The following ZFP62 variants were observed in gnomAD, a reference collection of about 807,000 sequenced individuals.
ZFP62 encodes zinc finger protein 62 homolog.
In ZFP62, 44 loss-of-function variants were observed where a neutral mutation model predicts 56.4. That is an observed-to-expected ratio of 0.78 (90% CI 0.61 to 1.00). The LOEUF (loss-of-function observed/expected upper bound fraction) is 1.00. Ranked by LOEUF, ZFP62 falls within the 50% of genes least tolerant of loss-of-function variation. The pLI, the probability that ZFP62 is intolerant of heterozygous loss-of-function variation, is 0.00. For synonymous variants in ZFP62, 421 were observed against 388.9 expected, an observed-to-expected ratio of 1.08 and a Z score of -0.97; for missense variants, 1,030 against 1,085.7, an observed-to-expected ratio of 0.95 and a Z score of 0.72.
At chr5:180,860,381 G>C (rs1398371529) in intron 1 of ZFP62, 1 of 152,026 alleles carries the variant, frequency 6.6e-6, no homozygotes, top group African/African-American at 2.4e-5. Flanking sequence ...CTTTCACAAA[G>C]AAATGCTCCT....
the ZFP62 span, among the ~76,000 whole-genome samples, chr5:180,842,040 C>G: frequency 6.6e-6 from 1 of 152,106 alleles, no homozygotes; most frequent in African/African-American, 2.4e-5. Flanking sequence ...GAGTGATACT[C>G]CGTCTCCAGA....
In ZFP62 at chr5:180,847,946, G is replaced by A. The variant is rs1468482110; in HGVS notation, c.*846C>T. 3 of 985,330 alleles carry A rather than the reference G, an allele frequency of 3.0e-6. No homozygotes were observed. Among genetic ancestry groups the A allele is most frequent in the African/African-American group, 1.7e-5 (1 of 57,324 alleles). 61.0% of individuals were successfully genotyped at this position (985,330 alleles called of 1,614,324 possible). A position where few individuals can be genotyped will look rare whatever the true frequency, so the allele number is the denominator to read the frequency against. On this transcript the variant is annotated 3_prime_UTR_variant, in exon 2 of 2. Transcript: ENST00000502412. ...ATGTAAGGTGCGAATTCATGTTGAC[G>A]GTGTGTTCCATTAGTTACTGAATGT...
downstream of ZFP62, chr5:180,847,499 C>G (rs1349501434): frequency 5.4e-6 from 4 of 741,354 alleles, no homozygotes; most frequent in African/African-American, 5.8e-5. Context: ...GAGCTGCTAG[C>G]CCTGTGGGAT....
the ZFP62 span, chr5:180,831,721 C>T: frequency 2.0e-5 from 3 of 152,826 alleles, no homozygotes; most frequent in African/African-American, 7.2e-5. Context: ...CCTCCGCACC[C>T]TACCCGGTCC....
chr5:180,839,696 A>C, the ZFP62 span, among the ~76,000 whole-genome samples: 3 of 152,170 alleles, frequency 2.0e-5, no homozygotes, highest in Non-Finnish European at 4.4e-5. Flanking sequence ...AACAATTTGA[A>C]CACCAAATCC....
chr5:180,857,374 T>C (rs1343297659), intron 1 of ZFP62, among the ~76,000 whole-genome samples: 1 of 152,224 alleles, frequency 6.6e-6, no homozygotes, highest in African/African-American at 2.4e-5. Flanking sequence ...TCTTAGTTTG[T>C]AGGCCATACA....
At chr5:180,829,968 T>G in the ZFP62 span, 2 of 151,930 alleles carry the variant, frequency 1.3e-5, no homozygotes, top group African/African-American at 4.8e-5. Context: ...GGTTGGAAAA[T>G]CCCACTTTAC....
chr5:180,851,296 T>C lies in ZFP62; in HGVS notation c.199A>G (p.Ser67Gly). The C allele has an allele frequency of 1.3e-6, 2 of 1,551,756 alleles. No homozygotes were observed. The highest frequency in any genetic ancestry group is 1.7e-6 in the Non-Finnish European group (2 of 1,147,012). The change falls in exon 2 of 2, where the codon AGC becomes GGC. Residue 67 changes from serine (S) to glycine (G), a missense_variant. Physicochemically the swap from Ser to Gly is moderately conservative, Grantham distance 56. Transcript: ENST00000502412. ...VENRMKEDKS[S>G]IREAISKAKS... ...GCTTTGCTGATTGCTTCCCTGATGC[T>C]GCTTTTGTCCTCCTTCATCCTGTTT...
chr5:180,847,606 GC>G, downstream of ZFP62: 1 of 985,382 alleles, frequency 1.0e-6, no homozygotes, highest in Non-Finnish European at 1.2e-6. Context: ...TAAACTCACA[GC>G]CCGTTTTGAT....
downstream of ZFP62, chr5:180,845,707 C>T (rs1373367986): frequency 1.0e-5 from 10 of 985,410 alleles, no homozygotes; most frequent in East Asian, 1.0e-3. Flanking sequence ...GCCAATTACT[C>T]AAGGTCTTGA....
chr5:180,845,002 T>A (rs1773380687), downstream of ZFP62, among the ~76,000 whole-genome samples: 1 of 152,096 alleles, frequency 6.6e-6, no homozygotes, highest in African/African-American at 2.4e-5. Flanking sequence ...CATTACAACC[T>A]GAGGTTGCTA....
the ZFP62 span, among the ~76,000 whole-genome samples, chr5:180,837,660 C>A: frequency 2.0e-5 from 3 of 152,160 alleles, no homozygotes; most frequent in Non-Finnish European, 4.4e-5. Flanking sequence ...ATAACAATTT[C>A]TCCCATTGAA....
Position 180,848,253 on chromosome 5 carries a change from C to G in ZFP62, c.*539G>C, listed in dbSNP as rs1773488714. On this transcript the variant is annotated 3_prime_UTR_variant, in exon 2 of 2. Transcript: ENST00000502412. ...TTTCAGAAGTCATCATCACTGCCCC[C>G]TCCCAAACCAATTACATCAAGTTTA... The G allele has an allele frequency of 7.1e-6, 7 of 985,502 alleles. No homozygotes were observed. The highest frequency in any genetic ancestry group is 8.4e-6 in the Non-Finnish European group (7 of 830,026). 61.0% of individuals were successfully genotyped at this position (985,502 alleles called of 1,614,324 possible). A position where few individuals can be genotyped will look rare whatever the true frequency, so the allele number is the denominator to read the frequency against.
rs1442023703 is a variant in ZFP62, at chr5:180,847,922, T to C, written c.*870A>G. ...AGGAATCCCTGAATCACTTCTGTCA[T>C]GTAAGGTGCGAATTCATGTTGACGG... On this transcript the variant is annotated 3_prime_UTR_variant, in exon 2 of 2. Transcript: ENST00000502412. The C allele has an allele frequency of 1.0e-5, 10 of 985,328 alleles. No individual in the cohort carries two copies. Among genetic ancestry groups the C allele is most frequent in the Admixed American group, 6.1e-5 (1 of 16,272 alleles). The allele number at this position is 985,328 out of a possible 1,614,324, so 61.0% of individuals were successfully genotyped here.
At chr5:180,852,461 G>A (rs928962653) in intron 1 of ZFP62, among the ~76,000 whole-genome samples, 7 of 151,542 alleles carry the variant, frequency 4.6e-5, no homozygotes, top group African/African-American at 1.7e-4. Flanking sequence ...GGCTGAGGGA[G>A]GAGAATCACT....
At chr5:180,857,687 G>A (rs565185969) in intron 1 of ZFP62, among the ~76,000 whole-genome samples, 1 of 151,958 alleles carries the variant, frequency 6.6e-6, no homozygotes, top group Non-Finnish European at 1.5e-5. Flanking sequence ...TAGTAGAGAT[G>A]GGGTTTTGCC....
intron 1 of ZFP62, among the ~76,000 whole-genome samples, chr5:180,859,600 C>G (rs888434489): frequency 6.6e-5 from 10 of 152,078 alleles, no homozygotes; most frequent in Admixed American, 5.9e-4. Flanking sequence ...GAAGAGATTT[C>G]TAGTTGTCGT....
In ZFP62 at chr5:180,851,459, T is replaced by C. The variant is rs1773708986; in HGVS notation, c.36A>G (p.Glu12=). The change falls in exon 2 of 2, where the codon GAA becomes GAG. Residue 12 remains glutamate, a synonymous_variant. Coordinates refer to ENST00000502412, the MANE Select transcript of ZFP62 (RefSeq NM_001172638.2). ...SHLKTSTEDE[E]PTEEYENVGN... is the part of the protein sequence containing the mutation. ...CAACATTTTCATATTCTTCAGTTGG[T>C]TCCTCATCCTCAGTGCTCGTCTTCA... The C allele has an allele frequency of 1.3e-6, 2 of 1,550,546 alleles. No homozygotes were observed. Among genetic ancestry groups the C allele is most frequent in the East Asian group, 4.9e-5 (2 of 40,910 alleles).
the ZFP62 span, among the ~76,000 whole-genome samples, chr5:180,839,743 T>G: frequency 6.6e-6 from 1 of 152,172 alleles, no homozygotes; most frequent in Non-Finnish European, 1.5e-5. Context: ...AACCTGCACA[T>G]GTACTCCTGA....
Sources: gnomAD v4.1 joint callset for allele counts (sites outside exome capture counted in the v4.1 genomes callset) on GRCh38, gnomAD v4.1.1 for gene constraint, MANE v1.5 for transcripts, NCBI Gene and HGNC (gene_info 2026-07-23, HGNC 2026-07-21) for gene names.